The following MYO1D variants were observed in gnomAD, a reference collection of about 807,000 sequenced individuals.
MYO1D encodes unconventional myosin-Id.
In MYO1D, 83 loss-of-function variants were observed where a neutral mutation model predicts 122.0. The ratio of observed to expected loss-of-function variants is 0.68; its 90% CI spans 0.57 to 0.82. The LOEUF is 0.82. MYO1D is among the 40% of genes least tolerant of loss of function. The pLI is 0.00. For missense variants in MYO1D, 1,157 were observed against 1,269.5 expected, an observed-to-expected ratio of 0.91 and a Z score of 1.35; for synonymous variants, 464 against 446.9, an observed-to-expected ratio of 1.04 and a Z score of -0.48.
intron 21 of MYO1D, among the ~76,000 whole-genome samples, chr17:32,558,928 G>C (rs539879083): frequency 2.0e-5 from 3 of 152,306 alleles, no homozygotes; most frequent in Admixed American, 2.0e-4. Flanking sequence ...ATAAATGGCA[G>C]TAATAATAGG....
intron 1 of MYO1D, among the ~76,000 whole-genome samples, chr17:32,846,904 T>C (rs919472015): frequency 3.9e-5 from 6 of 152,148 alleles, no homozygotes; most frequent in African/African-American, 1.4e-4. Flanking sequence ...AGAGGAATGC[T>C]TGAGCCCAGG....
chr17:32,569,998 G>A (rs1464771881), intron 21 of MYO1D, among the ~76,000 whole-genome samples: 1 of 152,164 alleles, frequency 6.6e-6, no homozygotes, highest in Admixed American at 6.6e-5. Flanking sequence ...TGAGCAGGAT[G>A]TTTAAGATCA....
intron 17 of MYO1D, among the ~76,000 whole-genome samples, chr17:32,657,962 A>T (rs964977993): frequency 6.6e-6 from 1 of 152,352 alleles, no homozygotes; most frequent in Non-Finnish European, 1.5e-5. Flanking sequence ...ATATAGCCAT[A>T]CATATAATCT....
At chr17:32,622,242 C>T (rs911054910) in intron 20 of MYO1D, among the ~76,000 whole-genome samples, 10 of 152,128 alleles carry the variant, frequency 6.6e-5, no homozygotes, top group African/African-American at 2.4e-4. Context: ...CCCATCTCCC[C>T]CTCTTTATGG....
intron 6 of MYO1D, among the ~76,000 whole-genome samples, chr17:32,769,725 T>C (rs2090095059): frequency 6.6e-6 from 1 of 152,074 alleles, no homozygotes; most frequent in African/African-American, 2.4e-5. Flanking sequence ...TGTATTTTTG[T>C]TTCCTTTTGG....
chr17:32,866,290 A>T (rs2091124176), intron 1 of MYO1D, among the ~76,000 whole-genome samples: 1 of 152,160 alleles, frequency 6.6e-6, no homozygotes. Context: ...AAAGAAGAAA[A>T]AAAAATTCTC....
chr17:32,707,733 T>C lies in MYO1D; in HGVS notation c.2121+4255A>G, dbSNP rs939620169. ...GTTTACTGTGTTTAAACTATGTTTA[T>C]ACAAATAATGTAGATTGTGCTGAAT... is the stretch of plus-strand genomic sequence containing the variant. On this transcript the variant is annotated intron_variant, in intron 16 of 21. Transcript: ENST00000318217. Among the ~76,000 whole-genome samples, 5 of 152,278 alleles carry C rather than the reference T, an allele frequency of 3.3e-5. 1 individual carries two copies. The highest frequency in any genetic ancestry group is 7.2e-5 in the African/African-American group (3 of 41,480).
At chr17:32,529,328 G>A (rs926863196) in intron 21 of MYO1D, among the ~76,000 whole-genome samples, 6 of 150,892 alleles carry the variant, frequency 4.0e-5, no homozygotes, top group Non-Finnish European at 8.9e-5. Context: ...CAGGAAGCAG[G>A]TGAGGTGTCC....
chr17:32,795,238 C>T (rs115465591), intron 1 of MYO1D, among the ~76,000 whole-genome samples: 2,202 of 152,256 alleles, frequency 0.014, 43 homozygotes, highest in African/African-American at 0.048. Context: ...ATCCCCTGAA[C>T]ACAAAGTGAA....
chr17:32,684,773 G>A (rs1021342562), intron 16 of MYO1D, among the ~76,000 whole-genome samples: 1 of 152,136 alleles, frequency 6.6e-6, no homozygotes, highest in Non-Finnish European at 1.5e-5. Context: ...CAGCAGACTA[G>A]CATGAATAAG....
chr17:32,851,042 G>T (rs1179649779), intron 1 of MYO1D, among the ~76,000 whole-genome samples: 2 of 152,002 alleles, frequency 1.3e-5, no homozygotes, highest in Non-Finnish European at 2.9e-5. Context: ...TGACCAATTG[G>T]AAACTCTATA....
intron 21 of MYO1D, among the ~76,000 whole-genome samples, chr17:32,542,509 C>T (rs1446152974): frequency 6.6e-6 from 1 of 151,148 alleles, no homozygotes; most frequent in African/African-American, 2.4e-5. Context: ...CATGTCCAAA[C>T]ATGTGTATTA....
At chr17:32,543,243 T>C (rs145187977) in intron 21 of MYO1D, among the ~76,000 whole-genome samples, 113 of 143,868 alleles carry the variant, frequency 7.9e-4, no homozygotes, top group Middle Eastern at 7.6e-3. Context: ...AATGAATAAA[T>C]AAACAAATTA....
intron 1 of MYO1D, among the ~76,000 whole-genome samples, chr17:32,829,435 C>A (rs1004215146): frequency 2.0e-5 from 3 of 152,174 alleles, no homozygotes; most frequent in Non-Finnish European, 4.4e-5. Context: ...GGGGTAGGAA[C>A]TTGAGTCTCA....
chr17:32,511,037 G>A (rs1315524858), intron 21 of MYO1D, among the ~76,000 whole-genome samples: 2 of 151,920 alleles, frequency 1.3e-5, no homozygotes, highest in Non-Finnish European at 2.9e-5. Flanking sequence ...CAGCAGTTGT[G>A]AGCAGAGGGC....
intron 1 of MYO1D, among the ~76,000 whole-genome samples, chr17:32,844,379 G>A (rs1217651409): frequency 6.9e-6 from 1 of 145,250 alleles, no homozygotes; most frequent in South Asian, 2.1e-4. Context: ...TAGTATATAT[G>A]TGTATATATA....
intron 1 of MYO1D, among the ~76,000 whole-genome samples, chr17:32,839,573 G>A (rs1372611450): frequency 6.6e-6 from 1 of 152,170 alleles, no homozygotes; most frequent in Non-Finnish European, 1.5e-5. Flanking sequence ...TGGACAGCAA[G>A]TTGAAGGTAA....
chr17:32,709,394 C>CA (rs944074105), intron 16 of MYO1D, among the ~76,000 whole-genome samples: 4 of 151,628 alleles, frequency 2.6e-5, no homozygotes, highest in Admixed American at 6.6e-5. Context: ...AGGAATCTAC[C>CA]AAAAAAACCC....
chr17:32,623,727 T>C (rs187050890), intron 20 of MYO1D, among the ~76,000 whole-genome samples: 56 of 152,268 alleles, frequency 3.7e-4, no homozygotes, highest in African/African-American at 1.3e-3. Context: ...TGGTGGCTTA[T>C]AAACAACAGA....
Sources: gnomAD v4.1 joint callset for allele counts (sites outside exome capture counted in the v4.1 genomes callset) on GRCh38, gnomAD v4.1.1 for gene constraint, MANE v1.5 for transcripts, NCBI Gene and HGNC (gene_info 2026-07-23, HGNC 2026-07-21) for gene names.